Variants in NRG3 observed in about 807,000 individuals in gnomAD.
NRG3 encodes the protein pro-neuregulin-3, membrane-bound isoform.
In NRG3, 31 loss-of-function variants were observed where a neutral mutation model predicts 66.9. The observed-to-expected ratio is 0.46, with a 90% CI of 0.35 to 0.63. The LOEUF (loss-of-function observed/expected upper bound fraction) is 0.63. Ranked by LOEUF, NRG3 falls within the 20% of genes least tolerant of loss-of-function variation. The pLI is 0.00. For synonymous variants in NRG3, 393 were observed against 359.4 expected, an observed-to-expected ratio of 1.09 and a Z score of -1.06; for missense variants, 910 against 878.9, an observed-to-expected ratio of 1.04 and a Z score of -0.45.
chr10:82,838,972 T>G (rs77066306), intron 3 of NRG3, among the ~76,000 whole-genome samples: 92 of 152,226 alleles, frequency 6.0e-4, no homozygotes, highest in African/African-American at 2.2e-3. Flanking sequence ...GGTTTCCTCT[T>G]ATAAAACCAT....
intron 2 of NRG3, among the ~76,000 whole-genome samples, chr10:82,724,598 T>C (rs1041022740): frequency 6.6e-6 from 1 of 152,190 alleles, no homozygotes; most frequent in South Asian, 2.1e-4. Context: ...GATTCAGGCA[T>C]GTGAGCTGTA....
At chr10:82,407,670 A>G (rs117461741) in intron 2 of NRG3, among the ~76,000 whole-genome samples, 2,633 of 152,292 alleles carry the variant, frequency 0.017, 34 homozygotes, top group Non-Finnish European at 0.028. Flanking sequence ...TTTTATGACT[A>G]CTGTATACTG....
At chr10:82,090,435 A>G (rs1026692009) in intron 1 of NRG3, among the ~76,000 whole-genome samples, 17 of 152,240 alleles carry the variant, frequency 1.1e-4, no homozygotes, top group South Asian at 8.3e-4. Flanking sequence ...GTTGATTAAG[A>G]ATAAATTTTT....
chr10:82,859,988 T>A (rs1334201959), intron 3 of NRG3, among the ~76,000 whole-genome samples: 7 of 152,190 alleles, frequency 4.6e-5, no homozygotes, highest in Non-Finnish European at 8.8e-5. Context: ...TAAGAATGTT[T>A]CAGCTCTGCA....
At chr10:82,179,945 G>A (rs977019610) in intron 1 of NRG3, among the ~76,000 whole-genome samples, 6 of 151,706 alleles carry the variant, frequency 4.0e-5, no homozygotes, top group Non-Finnish European at 7.4e-5. Context: ...CAGCATATAA[G>A]TCTTTCTTCT....
Position 82,408,081 on chromosome 10 carries a change from G to GAGAGAA in NRG3, c.953+49216_953+49217insGAAAGA, listed in dbSNP as rs1564888020. Among the ~76,000 whole-genome samples the GAGAGAA allele has an allele frequency of 4.9e-4, 33 of 67,056 alleles. 2 individuals are homozygous for GAGAGAA. The highest frequency in any genetic ancestry group is 6.7e-3 in the Middle Eastern group (1 of 150). The allele number at this position is 67,056 out of a possible 152,430, so 44.0% of individuals were successfully genotyped here. ...AGAGAGAGAGAGAGAGAGAGAGAGA[G>GAGAGAA]AGACAGAAAGAAAGAAAGAAAGAAA... On this transcript the variant is annotated intron_variant, in intron 2 of 8. Coordinates refer to ENST00000372141, the MANE Select transcript of NRG3 (RefSeq NM_001010848.4).
chr10:82,503,458 G>T (rs1323028707), intron 2 of NRG3, among the ~76,000 whole-genome samples: 2 of 152,174 alleles, frequency 1.3e-5, no homozygotes, highest in Admixed American at 1.3e-4. Context: ...GGTAAGGCAT[G>T]TATATCTGAA....
intron 1 of NRG3, among the ~76,000 whole-genome samples, chr10:82,085,080 C>T (rs1261163892): frequency 6.6e-6 from 1 of 152,130 alleles, no homozygotes; most frequent in Non-Finnish European, 1.5e-5. Flanking sequence ...AACCAAAGCA[C>T]TCGCTATTAC....
chr10:82,188,843 A>C (rs989203152), intron 1 of NRG3, among the ~76,000 whole-genome samples: 1 of 152,094 alleles, frequency 6.6e-6, no homozygotes, highest in Non-Finnish European at 1.5e-5. Context: ...AAATAGATAG[A>C]ATGAGTAAGA....
intron 1 of NRG3, among the ~76,000 whole-genome samples, chr10:82,290,275 T>C (rs1404285364): frequency 6.6e-6 from 1 of 152,222 alleles, no homozygotes; most frequent in Non-Finnish European, 1.5e-5. Context: ...TGATTTTTGC[T>C]GTCAAACTTA....
chr10:82,103,208 T>G lies in NRG3; in HGVS notation c.823+227045T>G, dbSNP rs1431066693. On this transcript the variant is annotated intron_variant, in intron 1 of 8. Transcript: ENST00000372141. ...TCTGATGAAAAATTCAGAGTCATGA[T>G]TTTTTCATTCCTTTATATGTAATGT... Among the ~76,000 whole-genome samples, 2 of 152,176 alleles carry G rather than the reference T, an allele frequency of 1.3e-5. 1 individual carries two copies. The highest frequency in any genetic ancestry group is 4.8e-5 in the African/African-American group (2 of 41,456).
intron 1 of NRG3, among the ~76,000 whole-genome samples, chr10:82,350,195 A>G (rs2083343142): frequency 6.6e-6 from 1 of 152,234 alleles, no homozygotes; most frequent in African/African-American, 2.4e-5. Context: ...TTCATCATTC[A>G]TTTCCAAAAA....
intron 2 of NRG3, among the ~76,000 whole-genome samples, chr10:82,670,432 T>C (rs1328322490): frequency 6.6e-6 from 1 of 152,216 alleles, no homozygotes; most frequent in Non-Finnish European, 1.5e-5. Context: ...GTTAATGAGC[T>C]CAGTCACGCT....
chr10:82,248,169 A>T (rs1292576851), intron 1 of NRG3, among the ~76,000 whole-genome samples: 1 of 152,168 alleles, frequency 6.6e-6, no homozygotes, highest in Non-Finnish European at 1.5e-5. Context: ...AATTCCTTTT[A>T]TTCAGTTCAC....
At chr10:82,765,794 C>G (rs748974283) in intron 3 of NRG3, among the ~76,000 whole-genome samples, 1 of 151,970 alleles carries the variant, frequency 6.6e-6, no homozygotes, top group African/African-American at 2.4e-5. Context: ...GGTTTGTAGA[C>G]TGAATTTTAG....
intron 1 of NRG3, among the ~76,000 whole-genome samples, chr10:82,027,508 G>A (rs2062367897): frequency 6.6e-6 from 1 of 152,032 alleles, no homozygotes; most frequent in Non-Finnish European, 1.5e-5. Context: ...TAGAAACGAT[G>A]GTTCTGTCAA....
Position 81,965,292 on chromosome 10 carries a change from C to G in NRG3, c.823+89129C>G, listed in dbSNP as rs376768722. Among the ~76,000 whole-genome samples, 14 of 152,282 alleles carry G rather than the reference C, an allele frequency of 9.2e-5. No individual in the cohort carries two copies. In the East Asian group the frequency reaches 2.7e-3, roughly 29 times the overall value. Reference sequence around the variant, plus strand: ...GTCATCTATCAATGAATTCTTCCATCTTTCTATCTACTACTTATTAGATGT... The same window carrying G: ...GTCATCTATCAATGAATTCTTCCATGTTTCTATCTACTACTTATTAGATGT... On this transcript the variant is annotated intron_variant, in intron 1 of 8. Transcript: ENST00000372141.
chr10:82,839,591 AATATT>A (rs2062954193), intron 3 of NRG3, among the ~76,000 whole-genome samples: 1 of 151,614 alleles, frequency 6.6e-6, no homozygotes, highest in African/African-American at 2.4e-5. Flanking sequence ...ATTATTGAGT[AATATT>A]ATTGCTTTCA....
intron 2 of NRG3, among the ~76,000 whole-genome samples, chr10:82,704,540 A>G (rs757780700): frequency 6.6e-6 from 1 of 152,172 alleles, no homozygotes; most frequent in Non-Finnish European, 1.5e-5. Context: ...AGGAACTTGT[A>G]CTAGTTTGGC....
Sources: allele counts gnomAD v4.1 joint callset (sites outside exome capture counted in the v4.1 genomes callset), GRCh38; gene constraint gnomAD v4.1.1; transcripts MANE v1.5; gene names NCBI Gene and HGNC (gene_info 2026-07-23, HGNC 2026-07-21).